The following SPOCK1 variants were observed in gnomAD, a reference collection of about 807,000 sequenced individuals.
The protein encoded by SPOCK1 is testican-1.
Under a neutral mutation model 55.3 loss-of-function variants are expected in SPOCK1, and 23 were observed. The ratio of observed to expected loss-of-function variants is 0.42; its 90% confidence interval spans 0.30 to 0.59. SPOCK1 has a LOEUF of 0.59. SPOCK1 is among the 20% of genes least tolerant of loss of function. The pLI, the probability that SPOCK1 is intolerant of heterozygous loss-of-function variation, is 0.22. For missense variants in SPOCK1, 499 were observed against 552.5 expected, an observed-to-expected ratio of 0.90 and a Z score of 0.97; for synonymous variants, 226 against 221.0, an observed-to-expected ratio of 1.02 and a Z score of -0.20.
At chr5:137,490,988 C>G in intron 2 of SPOCK1, among the ~76,000 whole-genome samples, 1 of 152,168 alleles carries the variant, frequency 6.6e-6, no homozygotes, top group East Asian at 1.9e-4. Flanking sequence ...ACTCACAAGC[C>G]AGACAAGAAG....
intron 2 of SPOCK1, among the ~76,000 whole-genome samples, chr5:137,342,919 G>A (rs1277233635): frequency 3.3e-5 from 5 of 152,176 alleles, no homozygotes; most frequent in Non-Finnish European, 5.9e-5. Context: ...CTTTCCCAGT[G>A]AAATCTGATC....
chr5:137,450,669 T>G (rs1753236497), intron 2 of SPOCK1, among the ~76,000 whole-genome samples: 1 of 152,184 alleles, frequency 6.6e-6, no homozygotes, highest in Admixed American at 6.5e-5. Flanking sequence ...AGCTCCGAAC[T>G]TCACAACAAT....
chr5:137,263,177 A>T (rs1470739803), intron 3 of SPOCK1, among the ~76,000 whole-genome samples: 6 of 152,122 alleles, frequency 3.9e-5, no homozygotes, highest in Admixed American at 2.6e-4. Flanking sequence ...TAGTGGAAAA[A>T]AATTGAAAAT....
intron 3 of SPOCK1, among the ~76,000 whole-genome samples, chr5:137,241,427 T>C (rs1011418904): frequency 3.9e-5 from 6 of 152,186 alleles, no homozygotes; most frequent in African/African-American, 1.4e-4. Context: ...AGGACATGAA[T>C]AGACATACTT....
In SPOCK1 at chr5:137,271,245, T is replaced by C. The variant is rs973255671; in HGVS notation, c.187-4190A>G. On this transcript the variant is annotated intron_variant, in intron 2 of 10. Coordinates refer to ENST00000394945, the MANE Select transcript of SPOCK1 (RefSeq NM_004598.4). ...CTTATTAAATATTCCACTAAGATAG[T>C]ACTGAAACCTGTGAAATTATTGGCA... is the stretch of plus-strand genomic sequence containing the variant. Among the ~76,000 whole-genome samples, 76 of 151,796 alleles carry C rather than the reference T, an allele frequency of 5.0e-4. 1 individual carries two copies. Among genetic ancestry groups the C allele is most frequent in the African/African-American group, 1.7e-3 (72 of 41,472 alleles).
chr5:137,042,162 A>T (rs1411978363), intron 6 of SPOCK1, among the ~76,000 whole-genome samples: 1 of 152,208 alleles, frequency 6.6e-6, no homozygotes. Flanking sequence ...GACCTAGATG[A>T]ATCTTAAATG....
intron 2 of SPOCK1, among the ~76,000 whole-genome samples, chr5:137,411,954 C>T (rs1229716): frequency 0.33 from 50,712 of 151,978 alleles, 8,544 homozygotes; most frequent in Middle Eastern, 0.45. Flanking sequence ...AGAAAAGGTC[C>T]GCGTGGCTAT....
Position 137,214,230 on chromosome 5 carries a change from CA to C in SPOCK1, c.232+52779del, listed in dbSNP as rs1755670725. Among the ~76,000 whole-genome samples the C allele has an allele frequency of 2.0e-5, 3 of 152,114 alleles. No individual in the cohort carries two copies. The South Asian group carries it at 6.2e-4, about 32-fold the overall frequency. On this transcript the variant is annotated intron_variant, in intron 3 of 10. Transcript: ENST00000394945. ...AGAGATTATTTTTATTTCTATTTTA[CA>C]AAGGAAAAAAACTGAAGCTTGGAGG...
chr5:137,074,852 C>G (rs1752719969), intron 5 of SPOCK1, among the ~76,000 whole-genome samples: 1 of 152,112 alleles, frequency 6.6e-6, no homozygotes, highest in Admixed American at 6.5e-5. Flanking sequence ...CTACAGGCAC[C>G]CGCCACCACG....
intron 2 of SPOCK1, among the ~76,000 whole-genome samples, chr5:137,419,276 A>C (rs576196395): frequency 5.9e-5 from 9 of 152,144 alleles, no homozygotes; most frequent in African/African-American, 1.2e-4. Context: ...ATTGACTTGG[A>C]AATGCAGGCT....
chr5:136,995,733 C>A (rs1348352318), intron 6 of SPOCK1, among the ~76,000 whole-genome samples: 1 of 152,166 alleles, frequency 6.6e-6, no homozygotes, highest in Non-Finnish European at 1.5e-5. Context: ...TAATCTGTAT[C>A]TTTACAAGAC....
At chr5:137,248,512 T>C (rs1283996121) in intron 3 of SPOCK1, among the ~76,000 whole-genome samples, 1 of 152,218 alleles carries the variant, frequency 6.6e-6, no homozygotes, top group Admixed American at 6.5e-5. Flanking sequence ...AACCATTCAT[T>C]GATCTCTATC....
At chr5:137,384,884 G>A (rs772709098) in intron 2 of SPOCK1, among the ~76,000 whole-genome samples, 9 of 151,934 alleles carry the variant, frequency 5.9e-5, no homozygotes, top group Non-Finnish European at 1.2e-4. Context: ...TTACATCTGC[G>A]AAGACCCTCT....
intron 3 of SPOCK1, among the ~76,000 whole-genome samples, chr5:137,145,725 AG>A (rs1754179549): frequency 6.6e-6 from 1 of 152,216 alleles, no homozygotes; most frequent in South Asian, 2.1e-4. Flanking sequence ...GAGACAGGTA[AG>A]GTACCTAATT....
chr5:137,311,063 T>C (rs1226460572), intron 2 of SPOCK1, among the ~76,000 whole-genome samples: 1 of 152,204 alleles, frequency 6.6e-6, no homozygotes, highest in Non-Finnish European at 1.5e-5. Context: ...TGTGTTTTCC[T>C]CTTAAAAAGC....
chr5:137,498,529 G>C lies in SPOCK1; in HGVS notation c.30C>G (p.Ala10=), dbSNP rs1337415653. Residue 10 remains alanine, a synonymous_variant, in exon 2 of 11, where the codon GCC becomes GCG. Transcript: ENST00000394945. MPAIAVLAA[A]AAAWCFLQVE... ...CTTGGAGGAAGCACCACGCCGCGGC[G>C]GCCGCCGCCAACACCGCGATCGCCG... is the stretch of plus-strand genomic sequence containing the variant. 1 of 1,544,592 alleles carries C rather than the reference G, an allele frequency of 6.5e-7. No individual in the cohort carries two copies. The highest frequency in any genetic ancestry group is 8.7e-7 in the Non-Finnish European group (1 of 1,152,522).
intron 2 of SPOCK1, among the ~76,000 whole-genome samples, chr5:137,335,428 C>T (rs1240158506): frequency 6.6e-6 from 1 of 152,220 alleles, no homozygotes; most frequent in African/African-American, 2.4e-5. Flanking sequence ...TCACTTTCTT[C>T]TCTATACTTC....
At chr5:137,110,149 G>A (rs908016257) in intron 5 of SPOCK1, among the ~76,000 whole-genome samples, 17 of 152,242 alleles carry the variant, frequency 1.1e-4, no homozygotes, top group African/African-American at 4.1e-4. Context: ...TGGCAAGGGA[G>A]AGCTAGCTGA....
intron 5 of SPOCK1, among the ~76,000 whole-genome samples, chr5:137,071,994 C>A (rs1403466688): frequency 1.3e-5 from 2 of 152,186 alleles, no homozygotes; most frequent in Admixed American, 1.3e-4. Context: ...TTCTTTCCAT[C>A]CAGATTTTTT....
Sources: allele counts gnomAD v4.1 joint callset (sites outside exome capture counted in the v4.1 genomes callset), GRCh38; gene constraint gnomAD v4.1.1; transcripts MANE v1.5; gene names NCBI Gene and HGNC (gene_info 2026-07-23, HGNC 2026-07-21).